The following PCDHGA1 variants were observed in gnomAD, a reference collection of about 807,000 sequenced individuals.
The protein encoded by PCDHGA1 is protocadherin gamma-A1.
Under a neutral mutation model 58.0 loss-of-function variants are expected in PCDHGA1, and 32 were observed. The observed-to-expected ratio is 0.55, with a 90% CI of 0.42 to 0.74. The LOEUF (loss-of-function observed/expected upper bound fraction) is 0.74, where lower values mean the gene tolerates loss of function less well. Among genes scored for constraint, PCDHGA1 ranks in the 30% least tolerant of loss-of-function variants. The pLI is 0.00. For missense variants in PCDHGA1, 1,205 were observed against 1,182.3 expected, an observed-to-expected ratio of 1.02 and a Z score of -0.28; for synonymous variants, 498 against 501.1, an observed-to-expected ratio of 0.99 and a Z score of 0.08.
rs566838507 is a variant in PCDHGA1, at chr5:141,415,047, G to A, written c.2422-79760G>A. 5 of 1,613,392 alleles carry A rather than the reference G, an allele frequency of 3.1e-6. No homozygotes were observed. The African/African-American group carries it at 5.3e-5, about 17-fold the overall frequency. Reference sequence around the variant, plus strand: ...GCGAGCCGGGACTCTTCGCGGTGGGGGAGCACACGGGCGAGGTGCGCACGG... The same window carrying A: ...GCGAGCCGGGACTCTTCGCGGTGGGAGAGCACACGGGCGAGGTGCGCACGG... On this transcript the variant is annotated intron_variant, in intron 1 of 3. Coordinates refer to ENST00000517417, the MANE Select transcript of PCDHGA1 (RefSeq NM_018912.3).
chr5:141,389,429 G>A (rs201662463), intron 1 of PCDHGA1: 149 of 1,610,654 alleles, frequency 9.3e-5, no homozygotes, highest in Non-Finnish European at 8.6e-5. Context: ...TGTTCGCGCA[G>A]CGCGCCTTCG....
chr5:141,432,126 C>T lies in PCDHGA1; in HGVS notation c.2422-62681C>T. ...AACCCGCCGGTCTTCCCTCAGGCCTCCTATTCCGCTTATATCCCAGAGAAC... is the reference window on the plus strand; with the variant it reads ...AACCCGCCGGTCTTCCCTCAGGCCTTCTATTCCGCTTATATCCCAGAGAAC... On this transcript the variant is annotated intron_variant, in intron 1 of 3. Coordinates refer to ENST00000517417, the MANE Select transcript of PCDHGA1 (RefSeq NM_018912.3). This position sits in a 1 kb window ranked among gnomAD's most constrained non-coding sequence, Gnocchi z 6.0. The T allele has an allele frequency of 1.2e-6, 2 of 1,614,144 alleles. No homozygotes were observed. Among genetic ancestry groups the T allele is most frequent in the Non-Finnish European group, 1.7e-6 (2 of 1,180,028 alleles).
chr5:141,398,017 A>AAACTGG (rs1270977201), intron 1 of PCDHGA1: 25 of 1,422,582 alleles, frequency 1.8e-5, no homozygotes, highest in Non-Finnish European at 2.2e-5. Context: ...ATCGTTTCCT[A>AAACTGG]AACTGGAACT....
chr5:141,348,591 T>G (rs1758146416), intron 1 of PCDHGA1, among the ~76,000 whole-genome samples: 1 of 152,218 alleles, frequency 6.6e-6, no homozygotes, highest in African/African-American at 2.4e-5. Context: ...GAAAATACAC[T>G]GAGAGTATGG....
In PCDHGA1 at chr5:141,489,126, T is replaced by C; in HGVS notation, c.2422-5681T>C. ...TGCAAGCAGGCAAACCTCCGAGCAG[T>C]TTTTAAGAGGCTGGAAGGAGACATA... On this transcript the variant is annotated intron_variant, in intron 1 of 3. Coordinates refer to ENST00000517417, the MANE Select transcript of PCDHGA1 (RefSeq NM_018912.3). This position sits in a 1 kb window ranked among gnomAD's most constrained non-coding sequence, Gnocchi z 4.5. 1.7e-6 allele frequency: 1 copy of C among 585,136 alleles called. No individual in the cohort carries two copies. Among genetic ancestry groups the C allele is most frequent in the South Asian group, 3.2e-5 (1 of 31,406 alleles). The allele number at this position is 585,136 out of a possible 1,614,324, so 36.2% of individuals were successfully genotyped here. A position where few individuals can be genotyped will look rare whatever the true frequency, so the allele number is the denominator to read the frequency against.
In PCDHGA1 at chr5:141,417,067, A is replaced by G. The variant is rs1008801110; in HGVS notation, c.2422-77740A>G. The stretch of plus-strand genomic sequence containing the variant: ...AAAAACTGCTCTTGACATTGTAGCT[A>G]TTGTGAGAAAATATTTTGATTATAA... On this transcript the variant is annotated intron_variant, in intron 1 of 3. Coordinates refer to ENST00000517417, the MANE Select transcript of PCDHGA1 (RefSeq NM_018912.3). 2.0e-5 allele frequency: 3 copies of G among 152,102 alleles called. No homozygotes were observed. The South Asian group carries it at 6.2e-4, about 31-fold the overall frequency. 9.4% of individuals were successfully genotyped at this position (152,102 alleles called of 1,614,324 possible).
chr5:141,497,796 TC>T (rs1251163385), intron 2 of PCDHGA1, among the ~76,000 whole-genome samples: 2 of 152,160 alleles, frequency 1.3e-5, no homozygotes, highest in African/African-American at 2.4e-5. Context: ...TGCTTCAGCT[TC>T]CCAAAGTGCT....
rs112078596 is a variant in PCDHGA1, at chr5:141,490,350, G to A, written c.2422-4457G>A. ...GCACACCAGTGGGCACAGTAGTGGG[G>A]TTGTTTAATGTGCGAGACCGGGACT... On this transcript the variant is annotated intron_variant, in intron 1 of 3. Coordinates refer to ENST00000517417, the MANE Select transcript of PCDHGA1 (RefSeq NM_018912.3). The surrounding 1 kb of genome is among the most constrained non-coding windows in gnomAD (Gnocchi z 5.4). 3.5e-5 allele frequency: 57 copies of A among 1,614,086 alleles called. No homozygotes were observed. The highest frequency in any genetic ancestry group is 4.6e-5 in the Non-Finnish European group (54 of 1,180,042).
Position 141,394,739 on chromosome 5 carries a change from C to A in PCDHGA1, c.2421+61634C>A, listed in dbSNP as rs377359689. 7.4e-6 allele frequency: 12 copies of A among 1,613,272 alleles called. No individual in the cohort carries two copies. In the African/African-American group the frequency reaches 1.2e-4, roughly 16 times the overall value. ...ACAGAGATGCGCTCAAGCAGAGCCT[C>A]GTGGTGGCCGTCCAGGACCATGGCC... On this transcript the variant is annotated intron_variant, in intron 1 of 3. Coordinates refer to ENST00000517417, the MANE Select transcript of PCDHGA1 (RefSeq NM_018912.3).
intron 1 of PCDHGA1, among the ~76,000 whole-genome samples, chr5:141,348,697 G>A (rs1346468171): frequency 6.6e-6 from 1 of 151,962 alleles, no homozygotes; most frequent in Non-Finnish European, 1.5e-5. Flanking sequence ...TTGAAGAATG[G>A]GCAAGAATCC....
intron 1 of PCDHGA1, chr5:141,361,485 A>T (rs1762045132): frequency 2.5e-6 from 4 of 1,614,034 alleles, no homozygotes; most frequent in Non-Finnish European, 3.4e-6. Flanking sequence ...ATAATGCCCC[A>T]GTTTTCCAAC....
chr5:141,398,989 T>A lies in PCDHGA1; in HGVS notation c.2421+65884T>A, dbSNP rs766277028. 153 of 1,613,914 alleles carry A rather than the reference T, an allele frequency of 9.5e-5. No individual in the cohort carries two copies. The Middle Eastern group carries it at 3.6e-3, about 38-fold the overall frequency. ...TTCCTTCTACAGAACCGGGCAAATC[T>A]TTAGTCTGAATTCAAAGAGCGGAGA... is the stretch of plus-strand genomic sequence containing the variant. On this transcript the variant is annotated intron_variant, in intron 1 of 3. Coordinates refer to ENST00000517417, the MANE Select transcript of PCDHGA1 (RefSeq NM_018912.3).
chr5:141,381,826 C>CTTCTTTTTTTTTTTTTT (rs1777532522), intron 1 of PCDHGA1, among the ~76,000 whole-genome samples: 2 of 74,284 alleles, frequency 2.7e-5, no homozygotes, highest in African/African-American at 1.2e-4. Flanking sequence ...CTTTCTTCTT[C>CTTCTTTTTTTTTTTTTT]TTTTTTTTTT....
At chr5:141,410,527 C>T (rs1398639610) in intron 1 of PCDHGA1, 1 of 1,613,920 alleles carries the variant, frequency 6.2e-7, no homozygotes, top group East Asian at 2.2e-5. Context: ...CCCTACATTC[C>T]AATGAAGACA....
intron 1 of PCDHGA1, chr5:141,398,587 C>A (rs2093675414): frequency 6.2e-7 from 1 of 1,613,860 alleles, no homozygotes. Flanking sequence ...AAGATTTATA[C>A]TAGAAGTAGC....
chr5:141,472,557 A>G (rs2099288029), intron 1 of PCDHGA1, among the ~76,000 whole-genome samples: 3 of 152,044 alleles, frequency 2.0e-5, no homozygotes, highest in Admixed American at 1.3e-4. Flanking sequence ...AAAAAATTAT[A>G]TTATAAATGC....
At chr5:141,343,366 A>G (rs1220264471) in intron 1 of PCDHGA1, 9 of 982,368 alleles carry the variant, frequency 9.2e-6, no homozygotes, top group African/African-American at 1.8e-5. Context: ...TTAAGAGTAT[A>G]GAGAGGGAAA....
chr5:141,360,527 C>A, intron 1 of PCDHGA1: 1 of 1,613,910 alleles, frequency 6.2e-7, no homozygotes, highest in Non-Finnish European at 8.5e-7. Flanking sequence ...GATAATACCC[C>A]GCTATTCAAA....
At chr5:141,369,998 A>G (rs553441989) in intron 1 of PCDHGA1, among the ~76,000 whole-genome samples, 1 of 152,372 alleles carries the variant, frequency 6.6e-6, no homozygotes, top group Admixed American at 6.5e-5. Context: ...ATAAAGCTCA[A>G]ATTAAAAGAA....
Sources: allele counts gnomAD v4.1 joint callset (sites outside exome capture counted in the v4.1 genomes callset), GRCh38; gene constraint gnomAD v4.1.1; non-coding constraint Gnocchi (gnomAD v3.1); transcripts MANE v1.5; gene names NCBI Gene and HGNC (gene_info 2026-07-23, HGNC 2026-07-21).